The following NCKAP5 variants were observed in gnomAD, a reference collection of about 807,000 sequenced individuals.
The protein encoded by NCKAP5 is NCK associated protein 5.
Under a neutral mutation model 167.0 loss-of-function variants are expected in NCKAP5, and 92 were observed. The observed-to-expected ratio is 0.55, with a 90% CI of 0.47 to 0.66. The LOEUF (loss-of-function observed/expected upper bound fraction) is 0.66, where lower values mean the gene tolerates loss of function less well. NCKAP5 is among the 30% of genes least tolerant of loss of function. The probability of loss-of-function intolerance (pLI) is 0.00; values close to 1 mark genes in which losing one functional copy is unlikely to be tolerated. For missense variants in NCKAP5, 2,378 were observed against 2,315.0 expected (o/e 1.03, Z -0.56); for synonymous variants, 891 against 877.4 (o/e 1.02, Z -0.27).
At position 133,567,657 on chromosome 2, in the gene NCKAP5, CTGTG is replaced by C. The variant is rs3050985; in HGVS notation, c.-130+555_-130+558del. Among the ~76,000 whole-genome samples, 441 of 130,974 alleles carry C rather than the reference CTGTG, an allele frequency of 3.4e-3. 6 individuals are homozygous for C. Among genetic ancestry groups the C allele is most frequent in the East Asian group, 0.014 (62 of 4,362 alleles). 85.9% of individuals were successfully genotyped at this position (130,974 alleles called of 152,430 possible). On this transcript the variant is annotated intron_variant, in intron 1 of 19. Transcript: ENST00000409261. ...TACACATTCCTGAGGATGAATGAGC[CTGTG>C]TGTGTGTGTGTGTGTGTGTGTGTGT...
intron 6 of NCKAP5, among the ~76,000 whole-genome samples, chr2:133,091,167 A>T (rs1574000658): frequency 1.3e-5 from 2 of 152,096 alleles, no homozygotes; most frequent in Non-Finnish European, 2.9e-5. Context: ...CTTCCTGTAC[A>T]TGCCTGTGGA....
chr2:133,421,928 C>A (rs1282996063), intron 3 of NCKAP5, among the ~76,000 whole-genome samples: 2 of 152,368 alleles, frequency 1.3e-5, no homozygotes, highest in East Asian at 1.9e-4. Flanking sequence ...CTCAGCTAAC[C>A]TTTATCTAGT....
intron 16 of NCKAP5, among the ~76,000 whole-genome samples, chr2:132,735,362 C>G (rs1257602589): frequency 6.6e-6 from 1 of 152,100 alleles, no homozygotes; most frequent in Non-Finnish European, 1.5e-5. Flanking sequence ...CACATGAAAT[C>G]TGGTTGTTTA....
Position 133,331,139 on chromosome 2 carries a change from T to A in NCKAP5, c.70-28029A>T, listed in dbSNP as rs745331768. ...CTAATTGTCGTTGACTGATACAGAA[T>A]TTTTTAGGCTATAATTAGTATTCTT... On this transcript the variant is annotated intron_variant, in intron 3 of 19. Coordinates refer to ENST00000409261, the MANE Select transcript of NCKAP5 (RefSeq NM_207363.3). Among the ~76,000 whole-genome samples, 270 of 152,314 alleles carry A rather than the reference T, an allele frequency of 1.8e-3. 2 individuals carry two copies. The highest frequency in any genetic ancestry group is 3.4e-3 in the Middle Eastern group (1 of 294).
intron 3 of NCKAP5, among the ~76,000 whole-genome samples, chr2:133,464,844 A>C (rs1023348020): frequency 6.6e-5 from 10 of 151,180 alleles, no homozygotes; most frequent in Non-Finnish European, 1.3e-4. Flanking sequence ...TAAGAAGAGA[A>C]CTTGCAAGTC....
rs376471685 is a variant in NCKAP5 at position 132,782,893 on chromosome 2, G to C, written c.3918C>G (p.Ala1306=). The change falls in exon 14 of 20, where the codon GCC becomes GCG. Residue 1306 remains alanine, a synonymous_variant. Coordinates refer to ENST00000409261, the MANE Select transcript of NCKAP5 (RefSeq NM_207363.3). ...GCCGGGTAAGAGAATTGCCTCTCTC[G>C]GCGGTATTGGTAATGATCTGAGTGC... ...KVRTQIITNT[A]ERGNSLTRQN... 6.2e-7 allele frequency: 1 copy of C among 1,613,956 alleles called. No individual in the cohort carries two copies. Among genetic ancestry groups the C allele is most frequent in the Non-Finnish European group, 8.5e-7 (1 of 1,179,884 alleles).
At chr2:133,078,467 C>T (rs547581299) in intron 6 of NCKAP5, among the ~76,000 whole-genome samples, 1 of 152,148 alleles carries the variant, frequency 6.6e-6, no homozygotes, top group South Asian at 2.1e-4. Context: ...TTTGTCAGAG[C>T]CAACTCTGCA....
intron 4 of NCKAP5, among the ~76,000 whole-genome samples, chr2:133,237,381 A>G (rs979187282): frequency 2.6e-5 from 4 of 152,248 alleles, no homozygotes; most frequent in Non-Finnish European, 4.4e-5. Context: ...GAATAAAAGG[A>G]TAGCAAAAGA....
intron 6 of NCKAP5, among the ~76,000 whole-genome samples, chr2:133,033,255 C>T (rs1003427355): frequency 2.6e-5 from 4 of 152,174 alleles, no homozygotes; most frequent in African/African-American, 9.7e-5. Context: ...TAATTAAGAC[C>T]ATCAAGGTGG....
chr2:133,058,419 T>C (rs2079876420), intron 6 of NCKAP5, among the ~76,000 whole-genome samples: 1 of 152,212 alleles, frequency 6.6e-6, no homozygotes, highest in Non-Finnish European at 1.5e-5. Flanking sequence ...AGAACATTTG[T>C]GATTCATGGA....
intron 3 of NCKAP5, among the ~76,000 whole-genome samples, chr2:133,470,026 C>T (rs1692926805): frequency 6.6e-6 from 1 of 152,160 alleles, no homozygotes; most frequent in African/African-American, 2.4e-5. Flanking sequence ...AAGTCATTCT[C>T]CATCCAGCTT....
At chr2:133,345,255 C>T (rs1248641968) in intron 3 of NCKAP5, among the ~76,000 whole-genome samples, 1 of 152,124 alleles carries the variant, frequency 6.6e-6, no homozygotes, top group Non-Finnish European at 1.5e-5. Flanking sequence ...AGCTGCTGTG[C>T]AACCCTCCAA....
chr2:132,939,791 G>C (rs1697151741), intron 8 of NCKAP5, among the ~76,000 whole-genome samples: 1 of 152,086 alleles, frequency 6.6e-6, no homozygotes, highest in Non-Finnish European at 1.5e-5. Context: ...CTTGAGGCCA[G>C]GAGTTCAAGA....
At chr2:133,162,262 C>CT (rs1356201512) in intron 5 of NCKAP5, among the ~76,000 whole-genome samples, 10 of 152,224 alleles carry the variant, frequency 6.6e-5, no homozygotes, top group Admixed American at 3.3e-4. Context: ...TTTGCAAAGA[C>CT]TTTTTTTAAA....
chr2:132,929,285 G>A (rs562828377), intron 8 of NCKAP5, among the ~76,000 whole-genome samples: 1 of 151,368 alleles, frequency 6.6e-6, no homozygotes, highest in East Asian at 1.9e-4. Flanking sequence ...ATAAGACAGA[G>A]GCAATGAAAA....
intron 7 of NCKAP5, among the ~76,000 whole-genome samples, chr2:132,977,875 C>T (rs987919100): frequency 1.3e-5 from 2 of 152,172 alleles, no homozygotes; most frequent in Non-Finnish European, 2.9e-5. Flanking sequence ...TACTTTTCGA[C>T]ATTAAAACTA....
At chr2:133,533,303 T>C (rs1484788085) in intron 2 of NCKAP5, among the ~76,000 whole-genome samples, 1 of 152,168 alleles carries the variant, frequency 6.6e-6, no homozygotes, top group Non-Finnish European at 1.5e-5. Flanking sequence ...AACTCTTCAG[T>C]TTTTCGAGAG....
chr2:133,506,954 T>C (rs769918316), intron 3 of NCKAP5, among the ~76,000 whole-genome samples: 18 of 152,192 alleles, frequency 1.2e-4, no homozygotes, highest in Non-Finnish European at 2.2e-4. Flanking sequence ...TTCAGTCACT[T>C]CCTTCTCACC....
chr2:133,414,341 G>T (rs1045819822), intron 3 of NCKAP5, among the ~76,000 whole-genome samples: 1 of 152,120 alleles, frequency 6.6e-6, no homozygotes, highest in Non-Finnish European at 1.5e-5. Flanking sequence ...TTCGTTTTCT[G>T]AGGTTAAAAC....
Sources: gnomAD v4.1 joint callset for allele counts (sites outside exome capture counted in the v4.1 genomes callset) on GRCh38, gnomAD v4.1.1 for gene constraint, MANE v1.5 for transcripts, NCBI Gene and HGNC (gene_info 2026-07-23, HGNC 2026-07-21) for gene names.